MAP3K2: variants seen among roughly 807,000 people sequenced by gnomAD.
MAP3K2 encodes the protein mitogen-activated protein kinase kinase kinase 2.
A neutral mutation model predicts 80.3 loss-of-function variants in MAP3K2; 24 were observed. The ratio of observed to expected loss-of-function variants is 0.30; its 90% CI spans 0.22 to 0.42. The LOEUF (loss-of-function observed/expected upper bound fraction) is 0.42, where lower values mean the gene tolerates loss of function less well. MAP3K2 is among the 10% of genes least tolerant of loss of function. The probability of loss-of-function intolerance (pLI) is 1.00; values close to 1 mark genes in which losing one functional copy is unlikely to be tolerated. For synonymous variants in MAP3K2, 244 were observed against 253.7 expected (o/e 0.96, Z 0.36); for missense variants, 608 against 750.1 (o/e 0.81, Z 2.21).
At chr2:127,317,516 C>T (rs907575196) in intron 14 of MAP3K2, 113 bp downstream of exon 14, 75 of 862,516 alleles carry the variant, frequency 8.7e-5, no homozygotes, top group Non-Finnish European at 1.2e-4. Context: ...AAAACTCTTC[C>T]AAAATGTCCT....
chr2:127,354,249 A>G (rs907664762), intron 1 of MAP3K2, among the ~76,000 whole-genome samples: 1 of 151,282 alleles, frequency 6.6e-6, no homozygotes, highest in Non-Finnish European at 1.5e-5. Context: ...TAAAAAAAAA[A>G]AAAGAAAGAA....
rs1485910823 is a variant in MAP3K2, at chr2:127,387,926, C to A, written c.-540G>T. 9 of 984,814 alleles carry A rather than the reference C, an allele frequency of 9.1e-6. No homozygotes were observed. In the African/African-American group the frequency reaches 1.4e-4, roughly 15 times the overall value. The allele number at this position is 984,814 out of a possible 1,614,324, so 61.0% of individuals were successfully genotyped here. ...GCGGCCGCGGCACCCTCGTCAGGCG[C>A]CGCCGCTGAGGGCAGGCAGCCCGGC... On this transcript the variant is annotated 5_prime_UTR_variant, in exon 1 of 17. Coordinates refer to ENST00000682094, the MANE Select transcript of MAP3K2 (RefSeq NM_001371910.2).
At position 127,387,486 on chromosome 2, in the gene MAP3K2, C is replaced by T. The variant is rs1687387629; in HGVS notation, c.-100G>A. On this transcript the variant is annotated 5_prime_UTR_variant, in exon 1 of 17. Coordinates refer to ENST00000682094, the MANE Select transcript of MAP3K2 (RefSeq NM_001371910.2). ...CGCAGGGACGTAGAGAGCCGCAGGC[C>T]CAAGGAGGGGCCGCCCCCGCCGAGC... 2 of 985,168 alleles carry T rather than the reference C, an allele frequency of 2.0e-6. No homozygotes were observed. Among genetic ancestry groups the T allele is most frequent in the South Asian group, 4.7e-5 (1 of 21,292 alleles). 61.0% of individuals were successfully genotyped at this position (985,168 alleles called of 1,614,324 possible). A position where few individuals can be genotyped will look rare whatever the true frequency, so the allele number is the denominator to read the frequency against.
At chr2:127,329,092 G>A (rs902394931) in intron 7 of MAP3K2, among the ~76,000 whole-genome samples, 13 of 152,068 alleles carry the variant, frequency 8.5e-5, no homozygotes, top group African/African-American at 3.1e-4. Flanking sequence ...CATGTTGCAC[G>A]AATAAAGCCT....
In MAP3K2 at chr2:127,303,715, AAAG is replaced by A. The variant is rs918116559; in HGVS notation, c.*3861_*3863del. On this transcript the variant is annotated 3_prime_UTR_variant, in exon 17 of 17. Coordinates refer to ENST00000682094, the MANE Select transcript of MAP3K2 (RefSeq NM_001371910.2). The stretch of plus-strand genomic sequence containing the variant: ...AATAAGTTACAATTATTGAACAAAC[AAAG>A]AAGATTCATTCTATTAAAAAAGATA... 3.2e-4 allele frequency: 48 copies of A among 152,262 alleles called. 1 individual carries two copies. The highest frequency in any genetic ancestry group is 9.9e-4 in the African/African-American group (41 of 41,570). 9.4% of individuals were successfully genotyped at this position (152,262 alleles called of 1,614,324 possible). A position where few individuals can be genotyped will look rare whatever the true frequency, so the allele number is the denominator to read the frequency against.
In MAP3K2 at chr2:127,318,465, C is replaced by T. The variant is rs1685951261; in HGVS notation, c.1046-148G>A. ...TTATGATTATCCAAATTCACAGTTA[C>T]CGTCTTTCAAATTTTTCTCTTTCGT... On this transcript the variant is annotated intron_variant, in intron 12 of 16. Coordinates refer to ENST00000682094, the MANE Select transcript of MAP3K2 (RefSeq NM_001371910.2). 5 of 560,154 alleles carry T rather than the reference C, an allele frequency of 8.9e-6. No homozygotes were observed. In the South Asian group the frequency reaches 3.2e-4, roughly 36 times the overall value. 34.7% of individuals were successfully genotyped at this position (560,154 alleles called of 1,614,324 possible).
rs1318371956 is a variant in MAP3K2, at chr2:127,322,004, G to T, written c.1045+42C>A. ...TTTTAATAATATAAAATTCTGCAAA[G>T]ATTCTGCTCTACATTTCACTATACC... On this transcript the variant is annotated intron_variant, in intron 12 of 16. Transcript: ENST00000682094. This position sits in a 1 kb window ranked among gnomAD's most constrained non-coding sequence, Gnocchi z 4.2. 1 of 1,526,682 alleles carries T rather than the reference G, an allele frequency of 6.6e-7. No homozygotes were observed. Among genetic ancestry groups the T allele is most frequent in the Admixed American group, 1.8e-5 (1 of 54,638 alleles). The allele number at this position is 1,526,682 out of a possible 1,614,324, so 94.6% of individuals were successfully genotyped here.
chr2:127,360,647 G>C (rs1686869571), intron 1 of MAP3K2, among the ~76,000 whole-genome samples: 1 of 152,092 alleles, frequency 6.6e-6, no homozygotes, highest in Admixed American at 6.5e-5. Context: ...CTGCAACTCT[G>C]ATCATTGATT....
chr2:127,357,103 C>T (rs1686810223), intron 1 of MAP3K2, among the ~76,000 whole-genome samples: 1 of 152,018 alleles, frequency 6.6e-6, no homozygotes, highest in South Asian at 2.1e-4. Flanking sequence ...AGAAGTTTGA[C>T]AAAAGAACGG....
At chr2:127,334,928 G>A (rs1314955215) in intron 5 of MAP3K2, among the ~76,000 whole-genome samples, 1 of 151,996 alleles carries the variant, frequency 6.6e-6, no homozygotes, top group Non-Finnish European at 1.5e-5. Context: ...ACGTCACCAC[G>A]CTCAGCTAAT....
rs376952067 is a variant in MAP3K2, at chr2:127,364,853, C to T, written c.-65-21659G>A. On this transcript the variant is annotated intron_variant, in intron 1 of 16. Coordinates refer to ENST00000682094, the MANE Select transcript of MAP3K2 (RefSeq NM_001371910.2). The surrounding 1 kb of genome is among the most constrained non-coding windows in gnomAD (Gnocchi z 4.1). Reference sequence around the variant, plus strand: ...CTAATAAAAGCTACTATTGACCAGGCGCAGTGGCTCACGCCTGTAATCCTA... The same window carrying T: ...CTAATAAAAGCTACTATTGACCAGGTGCAGTGGCTCACGCCTGTAATCCTA... Among the ~76,000 whole-genome samples the T allele has an allele frequency of 3.9e-5, 6 of 152,062 alleles. No homozygotes were observed. The East Asian group carries it at 5.8e-4, about 15-fold the overall frequency.
chr2:127,353,024 G>A (rs1686723051), intron 1 of MAP3K2, among the ~76,000 whole-genome samples: 1 of 152,132 alleles, frequency 6.6e-6, no homozygotes, highest in South Asian at 2.1e-4. Flanking sequence ...AGGCTGGAGT[G>A]CAGTGGCGTG....
At chr2:127,388,394 A>G (rs1160007653), upstream of MAP3K2, 2 of 985,280 alleles carry the variant, frequency 2.0e-6, no homozygotes, top group Admixed American at 1.2e-4. Flanking sequence ...GGTCATTTGC[A>G]AGGAGAAAAG....
intron 1 of MAP3K2, among the ~76,000 whole-genome samples, chr2:127,359,351 A>G (rs1686847665): frequency 6.6e-6 from 1 of 152,202 alleles, no homozygotes; most frequent in Non-Finnish European, 1.5e-5. Flanking sequence ...CAATTTTTCT[A>G]TAAACCTAAA....
intron 7 of MAP3K2, among the ~76,000 whole-genome samples, chr2:127,328,346 G>A (rs538973150): frequency 5.9e-5 from 9 of 152,282 alleles, no homozygotes; most frequent in African/African-American, 1.4e-4. Flanking sequence ...GATAAGAAAT[G>A]GGGATAAAGA....
chr2:127,331,852 C>A (rs1007641198), intron 5 of MAP3K2, among the ~76,000 whole-genome samples: 1 of 152,168 alleles, frequency 6.6e-6, no homozygotes, highest in Non-Finnish European at 1.5e-5. Flanking sequence ...ATTATCTGCC[C>A]GCCTGGGCCT....
intron 1 of MAP3K2, among the ~76,000 whole-genome samples, chr2:127,368,591 C>T (rs1421281835): frequency 6.6e-6 from 1 of 151,972 alleles, no homozygotes; most frequent in African/African-American, 2.4e-5. Flanking sequence ...CACTGCACTC[C>T]AGCCTGGAGA....
chr2:127,310,884 T>C lies in MAP3K2; in HGVS notation c.1457-2122A>G, dbSNP rs1048456002. ...CTTAAATAAGCCATTTATTTTATTA[T>C]CTAATTTTAAAATTTTACTTCAATT... On this transcript the variant is annotated intron_variant, in intron 15 of 16. Coordinates refer to ENST00000682094, the MANE Select transcript of MAP3K2 (RefSeq NM_001371910.2). The surrounding 1 kb of genome is among the most constrained non-coding windows in gnomAD (Gnocchi z 4.8). Among the ~76,000 whole-genome samples the C allele has an allele frequency of 6.6e-6, 1 of 152,210 alleles. No individual in the cohort carries two copies. Among genetic ancestry groups the C allele is most frequent in the African/African-American group, 2.4e-5 (1 of 41,464 alleles).
intron 1 of MAP3K2, chr2:127,378,300 CAATT>C (rs931722463): frequency 3.6e-5 from 8 of 224,298 alleles, no homozygotes; most frequent in South Asian, 1.6e-4. Flanking sequence ...AATACTTTCT[CAATT>C]ACTCAGAGAT....
Sources: gnomAD v4.1 joint callset for allele counts (sites outside exome capture counted in the v4.1 genomes callset) on GRCh38, gnomAD v4.1.1 for gene constraint, Gnocchi (gnomAD v3.1) non-coding constraint, MANE v1.5 for transcripts, NCBI Gene and HGNC (gene_info 2026-07-23, HGNC 2026-07-21) for gene names.